Variants in RBPJ observed in about 807,000 individuals in gnomAD.
RBPJ encodes the protein recombination signal binding protein for immunoglobulin kappa J region.
A neutral mutation model predicts 67.8 loss-of-function variants in RBPJ; 9 were observed. The ratio of observed to expected loss-of-function variants is 0.13; its 90% CI spans 0.08 to 0.23. The LOEUF is 0.23. Among genes scored for constraint, RBPJ ranks in the 10% least tolerant of loss-of-function variants. RBPJ has a pLI of 1.00. For missense variants in RBPJ, 305 were observed against 595.6 expected, an observed-to-expected ratio of 0.51 and a Z score of 5.08; for synonymous variants, 198 against 203.3, an observed-to-expected ratio of 0.97 and a Z score of 0.22.
the RBPJ span, among the ~76,000 whole-genome samples, chr4:26,115,989 A>T: frequency 1.3e-5 from 2 of 152,246 alleles, no homozygotes; most frequent in Non-Finnish European, 2.9e-5. Flanking sequence ...CCTATTTAAA[A>T]TAAACAGGCA....
chr4:26,202,416 T>C (rs79625812), intron 1 of RBPJ, among the ~76,000 whole-genome samples: 1,529 of 152,012 alleles, frequency 0.01, 24 homozygotes, highest in African/African-American at 0.035. Flanking sequence ...CAACTCAAAT[T>C]TCAACATATC....
At chr4:26,349,609 A>T (rs771212189) in intron 1 of RBPJ, among the ~76,000 whole-genome samples, 3 of 152,230 alleles carry the variant, frequency 2.0e-5, no homozygotes, top group Non-Finnish European at 4.4e-5. Flanking sequence ...TACTACAGGC[A>T]GCTATTTGTC....
rs191078940 is a variant in RBPJ at position 26,385,313 on chromosome 4, G to A, written c.21-1040G>A. 2.7e-3 allele frequency among the ~76,000 whole-genome samples: 411 copies of A among 151,946 alleles called. 5 individuals carry two copies. The highest frequency in any genetic ancestry group is 9.3e-3 in the African/African-American group (386 of 41,440). On this transcript the variant is annotated intron_variant, in intron 1 of 10. Transcript: ENST00000355476. ...TGGGATTACAGGTGTGAGCCACTGC[G>A]CCCAGCCTTATGTGTTTTCTGTATA...
chr4:26,265,396 G>A (rs555627686), intron 1 of RBPJ, among the ~76,000 whole-genome samples: 2 of 152,152 alleles, frequency 1.3e-5, no homozygotes, highest in African/African-American at 4.8e-5. Flanking sequence ...AGGCGTGGTA[G>A]TGGGCATCTG....
intron 1 of RBPJ, among the ~76,000 whole-genome samples, chr4:26,357,622 T>G (rs1727535715): frequency 6.6e-6 from 1 of 152,228 alleles, no homozygotes; most frequent in Admixed American, 6.5e-5. Context: ...TTGTACAGTT[T>G]AGTGGTAGTA....
intron 1 of RBPJ, among the ~76,000 whole-genome samples, chr4:26,271,136 G>A (rs1035389990): frequency 8.5e-5 from 13 of 152,068 alleles, no homozygotes; most frequent in African/African-American, 2.9e-4. Flanking sequence ...AAACTCCCAG[G>A]CTCAAGCTCT....
chr4:26,345,837 A>G (rs999340939), intron 1 of RBPJ, among the ~76,000 whole-genome samples: 1 of 152,196 alleles, frequency 6.6e-6, no homozygotes, highest in Non-Finnish European at 1.5e-5. Flanking sequence ...TTTTGTTAGA[A>G]TTAAGGATAG....
chr4:26,390,398 A>C (rs528174323), intron 2 of RBPJ, among the ~76,000 whole-genome samples: 1 of 152,310 alleles, frequency 6.6e-6, no homozygotes, highest in East Asian at 1.9e-4. Context: ...TTGAGGTACT[A>C]TAAGGCCAGA....
intron 1 of RBPJ, among the ~76,000 whole-genome samples, chr4:26,313,820 G>A (rs1722517171): frequency 6.6e-6 from 1 of 152,038 alleles, no homozygotes; most frequent in Non-Finnish European, 1.5e-5. Context: ...TGGGCATCAA[G>A]AGCGAAACTT....
At chr4:26,191,364 A>G (rs1269785555) in intron 1 of RBPJ, among the ~76,000 whole-genome samples, 2 of 151,136 alleles carry the variant, frequency 1.3e-5, no homozygotes, top group Middle Eastern at 3.4e-3. Flanking sequence ...AGAGAGAACA[A>G]CTGCAGCTCC....
At chr4:26,127,018 C>T in the RBPJ span, among the ~76,000 whole-genome samples, 1 of 152,228 alleles carries the variant, frequency 6.6e-6, no homozygotes, top group East Asian at 1.9e-4. Context: ...GCCGACCACA[C>T]ACGTCACTCT....
intron 1 of RBPJ, among the ~76,000 whole-genome samples, chr4:26,364,725 A>G (rs1402613829): frequency 6.7e-6 from 1 of 149,706 alleles, no homozygotes; most frequent in Non-Finnish European, 1.5e-5. Context: ...CTCCCGGTTC[A>G]AGCAATTCTC....
At chr4:26,218,450 G>A (rs1219333365) in intron 1 of RBPJ, among the ~76,000 whole-genome samples, 4 of 152,088 alleles carry the variant, frequency 2.6e-5, no homozygotes, top group Non-Finnish European at 5.9e-5. Context: ...ACCCCCCGAA[G>A]GGTACCTAAT....
intron 1 of RBPJ, among the ~76,000 whole-genome samples, chr4:26,360,616 CAGAG>C (rs1727946936): frequency 1.5e-5 from 2 of 131,534 alleles, no homozygotes; most frequent in African/African-American, 5.8e-5. Context: ...TTTTTTGAGA[CAGAG>C]TCTCACTTTG....
At chr4:26,254,377 G>A (rs1357584483) in intron 1 of RBPJ, among the ~76,000 whole-genome samples, 1 of 148,826 alleles carries the variant, frequency 6.7e-6, no homozygotes, top group Admixed American at 6.6e-5. Context: ...TCACAGGCCT[G>A]CTTTCTTCAA....
chr4:26,333,905 G>T (rs1198490560), intron 1 of RBPJ, among the ~76,000 whole-genome samples: 1 of 152,094 alleles, frequency 6.6e-6, no homozygotes, highest in African/African-American at 2.4e-5. Context: ...GGGCTCAAGC[G>T]ATCCTTCTGC....
At chr4:26,273,468 G>A (rs148407045) in intron 1 of RBPJ, among the ~76,000 whole-genome samples, 9 of 152,316 alleles carry the variant, frequency 5.9e-5, no homozygotes, top group East Asian at 1.9e-4. Flanking sequence ...CGGGCCTCCC[G>A]GCCTTGGCAG....
intron 4 of RBPJ, among the ~76,000 whole-genome samples, 169 bp from the exon 5 acceptor site, chr4:26,420,382 C>T (rs781739261): frequency 3.3e-5 from 5 of 151,976 alleles, no homozygotes; most frequent in East Asian, 1.9e-4. Flanking sequence ...TGTACTTTTC[C>T]GAAATCAATT....
chr4:26,150,150 AT>A, the RBPJ span, among the ~76,000 whole-genome samples: 1 of 152,206 alleles, frequency 6.6e-6, no homozygotes, highest in African/African-American at 2.4e-5. Flanking sequence ...ACAGGCCCCC[AT>A]CCCCAAGGCT....
Sources: allele counts gnomAD v4.1 joint callset (sites outside exome capture counted in the v4.1 genomes callset), GRCh38; gene constraint gnomAD v4.1.1; transcripts MANE v1.5; gene names NCBI Gene and HGNC (gene_info 2026-07-23, HGNC 2026-07-21).